Variants in SNX14 observed in about 807,000 individuals in gnomAD.
SNX14 encodes the protein sorting nexin-14.
Under a neutral mutation model 133.8 loss-of-function variants are expected in SNX14, and 93 were observed. The ratio of observed to expected loss-of-function variants is 0.70; its 90% confidence interval spans 0.59 to 0.83. The LOEUF is 0.83. Among genes scored for constraint, SNX14 ranks in the 40% least tolerant of loss-of-function variants. SNX14 has a pLI of 0.00. For synonymous variants in SNX14, 368 were observed against 365.6 expected, an observed-to-expected ratio of 1.01 and a Z score of -0.07; for missense variants, 945 against 1,094.9, an observed-to-expected ratio of 0.86 and a Z score of 1.93.
At position 85,575,741 on chromosome 6, in the gene SNX14, G is replaced by A. The variant is rs112186783; in HGVS notation, c.141-1363C>T. 4.3e-3 allele frequency among the ~76,000 whole-genome samples: 657 copies of A among 152,276 alleles called. 7 individuals are homozygous for A. Among genetic ancestry groups the A allele is most frequent in the African/African-American group, 0.015 (625 of 41,556 alleles). On this transcript the variant is annotated intron_variant, in intron 1 of 28. Coordinates refer to ENST00000314673, the MANE Select transcript of SNX14 (RefSeq NM_153816.6). The stretch of plus-strand genomic sequence containing the variant: ...ACTTTTTGACAACAATGAGAAGAGT[G>A]GTTATGGCACAAGGATGAAAATGTC...
intron 18 of SNX14, among the ~76,000 whole-genome samples, chr6:85,532,042 T>A (rs11429408): frequency 6.9e-6 from 1 of 145,196 alleles, no homozygotes; most frequent in Non-Finnish European, 1.5e-5. Context: ...AGAAAAAAAA[T>A]TAAATTAAAA....
At chr6:85,553,200 C>A (rs1425145657) in intron 7 of SNX14, among the ~76,000 whole-genome samples, 2 of 152,138 alleles carry the variant, frequency 1.3e-5, no homozygotes, top group African/African-American at 4.8e-5. Context: ...CAAGCAGACC[C>A]GAGTTCAGTT....
chr6:85,515,018 A>G (rs1021037960), intron 23 of SNX14, among the ~76,000 whole-genome samples: 3 of 152,122 alleles, frequency 2.0e-5, no homozygotes, highest in Non-Finnish European at 4.4e-5. Context: ...TAATCTCAGC[A>G]CTTTGGAAGA....
intron 4 of SNX14, chr6:85,568,181 TTAAA>T (rs1311233940): frequency 6.6e-6 from 1 of 152,070 alleles, no homozygotes; most frequent in East Asian, 1.9e-4. Context: ...AAACAAAAAG[TTAAA>T]TAAATTGTTC....
intron 12 of SNX14, among the ~76,000 whole-genome samples, chr6:85,545,659 C>A (rs147809880): frequency 2.5e-4 from 38 of 152,232 alleles, no homozygotes; most frequent in Middle Eastern, 3.4e-3. Context: ...CAATGGAATA[C>A]CACTCAGCAA....
At chr6:85,588,719 G>A in intron 1 of SNX14, 1 of 291,416 alleles carries the variant, frequency 3.4e-6, no homozygotes, top group Non-Finnish European at 6.9e-6. Flanking sequence ...ATAGTTTACT[G>A]TTGACCAAAA....
At chr6:85,586,365 G>A (rs144240484) in intron 1 of SNX14, among the ~76,000 whole-genome samples, 134 of 152,304 alleles carry the variant, frequency 8.8e-4, no homozygotes, top group African/African-American at 3.0e-3. Context: ...AGAAAAAAAT[G>A]TGTCAACCCT....
chr6:85,553,284 AG>A (rs764695033), intron 7 of SNX14, among the ~76,000 whole-genome samples: 6 of 152,224 alleles, frequency 3.9e-5, no homozygotes, highest in Non-Finnish European at 8.8e-5. Flanking sequence ...CAAAGAACAT[AG>A]TTTTTATAAA....
intron 26 of SNX14, 183 bp from the exon 27 acceptor site, chr6:85,508,242 C>A (rs1771434440): frequency 3.3e-6 from 4 of 1,217,060 alleles, no homozygotes; most frequent in Non-Finnish European, 3.1e-6. Context: ...GTCAAGTTGA[C>A]AAATGCAGTA....
intron 23 of SNX14, among the ~76,000 whole-genome samples, chr6:85,515,052 C>G (rs1774339225): frequency 6.6e-6 from 1 of 151,880 alleles, no homozygotes; most frequent in Non-Finnish European, 1.5e-5. Context: ...ATCACCTGAG[C>G]TCGCAAGTTT....
At chr6:85,522,834 C>T (rs1410242606) in intron 21 of SNX14, among the ~76,000 whole-genome samples, 1 of 152,174 alleles carries the variant, frequency 6.6e-6, no homozygotes, top group Non-Finnish European at 1.5e-5. Context: ...CAAGATACTC[C>T]AAACATTACC....
At chr6:85,578,803 A>C (rs1798106847) in intron 1 of SNX14, among the ~76,000 whole-genome samples, 1 of 152,200 alleles carries the variant, frequency 6.6e-6, no homozygotes, top group Non-Finnish European at 1.5e-5. Flanking sequence ...AAATGAAAGA[A>C]GTTGACACTG....
Position 85,538,880 on chromosome 6 carries a change from T to C in SNX14, c.1449-16A>G, listed in dbSNP as rs929496373. On this transcript the variant is annotated splice_polypyrimidine_tract_variant and intron_variant, in intron 15 of 28. Transcript: ENST00000314673. ...TAGGCTACCTCTGCAATAACAGGTATGTGAAATAATATAAGGAGAGGAAAG... is the reference window on the plus strand; with the variant it reads ...TAGGCTACCTCTGCAATAACAGGTACGTGAAATAATATAAGGAGAGGAAAG... 1.1e-5 allele frequency: 18 copies of C among 1,589,224 alleles called. No homozygotes were observed. The highest frequency in any genetic ancestry group is 1.4e-5 in the Non-Finnish European group (16 of 1,169,094).
intron 19 of SNX14, among the ~76,000 whole-genome samples, chr6:85,529,543 A>T (rs1779597782): frequency 6.6e-6 from 1 of 152,240 alleles, no homozygotes; most frequent in Admixed American, 6.5e-5. Flanking sequence ...AGAAAGAACG[A>T]GGATGGTACT....
intron 17 of SNX14, 95 bp downstream of exon 17, chr6:85,536,697 A>G (rs1782057139): frequency 8.2e-7 from 1 of 1,225,906 alleles, no homozygotes; most frequent in Non-Finnish European, 1.1e-6. Flanking sequence ...GAATACACAG[A>G]TTCTCCAAAA....
intron 21 of SNX14, among the ~76,000 whole-genome samples, chr6:85,518,860 C>T (rs1462004590): frequency 6.6e-6 from 1 of 152,144 alleles, no homozygotes; most frequent in African/African-American, 2.4e-5. Flanking sequence ...TCATCCTATG[C>T]TTTTCTGTCT....
intron 15 of SNX14, 110 bp downstream of exon 15, chr6:85,541,875 C>CAT: frequency 1.4e-6 from 1 of 709,742 alleles, no homozygotes; most frequent in Non-Finnish European, 2.2e-6. Context: ...CTTGTGAACT[C>CAT]ATATAACAAT....
intron 1 of SNX14, among the ~76,000 whole-genome samples, chr6:85,577,289 A>G (rs1204350601): frequency 6.6e-6 from 1 of 152,092 alleles, no homozygotes; most frequent in South Asian, 2.1e-4. Flanking sequence ...ATGGTGGCGC[A>G]TGCCTGTAAT....
At chr6:85,561,713 A>G (rs914383490) in intron 6 of SNX14, among the ~76,000 whole-genome samples, 10 of 152,182 alleles carry the variant, frequency 6.6e-5, no homozygotes, top group African/African-American at 2.4e-4. Context: ...ATAAGGAGGT[A>G]TATGTCCTTA....
Sources: allele counts gnomAD v4.1 joint callset (sites outside exome capture counted in the v4.1 genomes callset), GRCh38; gene constraint gnomAD v4.1.1; transcripts MANE v1.5; gene names NCBI Gene and HGNC (gene_info 2026-07-23, HGNC 2026-07-21).